The following CELSR2 variants were observed in gnomAD, a reference collection of about 807,000 sequenced individuals.
The protein encoded by CELSR2 is EGF-like protein 2.
Under a neutral mutation model 251.6 loss-of-function variants are expected in CELSR2, and 81 were observed. The observed-to-expected ratio is 0.32, with a 90% CI of 0.27 to 0.39. The LOEUF (loss-of-function observed/expected upper bound fraction) is 0.39, where lower values mean the gene tolerates loss of function less well. Among genes scored for constraint, CELSR2 ranks in the 10% least tolerant of loss-of-function variants. CELSR2 has a pLI of 1.00. For synonymous variants in CELSR2, 1,721 were observed against 1,670.5 expected (o/e 1.03, Z -0.74); for missense variants, 3,365 against 3,947.7 (o/e 0.85, Z 3.96).
chr1:109,269,719 G>A lies in CELSR2; in HGVS notation c.7006G>A (p.Ala2336Thr), dbSNP rs747667886. The change falls in exon 22 of 34, where the codon GCC becomes ACC. Residue 2336 changes from alanine (A) to threonine (T), a missense_variant. By Grantham distance (58) the Ala-to-Thr change is moderately conservative (BLOSUM62 0). Around this residue, in one of 5 missense-constraint regions of CELSR2, gnomAD observed 2,093 missense variants for 2,382.8 expected, o/e 0.88. Transcript: ENST00000271332. The surrounding 1 kb of genome is among the most constrained non-coding windows in gnomAD (Gnocchi z 6.4). ...GGTCAGTGGCACAGGTGGCTGGTCGGCCAGAGGCTGTGAAGTCGTCTTCCG... is the reference window on the plus strand; with the variant it reads ...GGTCAGTGGCACAGGTGGCTGGTCGACCAGAGGCTGTGAAGTCGTCTTCCG... ...ILVSGTGGWS[A>T]RGCEVVFRNE... The A allele has an allele frequency of 5.0e-6, 8 of 1,614,038 alleles. No individual in the cohort carries two copies. Among genetic ancestry groups the A allele is most frequent in the East Asian group, 4.5e-5 (2 of 44,860 alleles).
At position 109,269,964 on chromosome 1, in the gene CELSR2, C is replaced by T. The variant is rs1313254927; in HGVS notation, c.7139C>T (p.Thr2380Ile). The change falls in exon 23 of 34, where the codon ACA (threonine) becomes ATA (isoleucine). Residue 2380 changes from threonine to isoleucine, a missense_variant. Thr to Ile is a moderately conservative substitution (Grantham distance 89). Coordinates refer to ENST00000271332, the MANE Select transcript of CELSR2 (RefSeq NM_001408.3). The surrounding 1 kb of genome is among the most constrained non-coding windows in gnomAD (Gnocchi z 6.4). ...GAGATCCTGCCACTGAAGACACTGA[C>T]ATACGTGGCTCTAGGTGTCACCTTG... is the stretch of plus-strand genomic sequence containing the variant. ...NGEILPLKTL[T>I]YVALGVTLAA... 1.2e-6 allele frequency: 2 copies of T among 1,614,166 alleles called. No homozygotes were observed. Among genetic ancestry groups the T allele is most frequent in the Admixed American group, 3.3e-5 (2 of 60,026 alleles).
In CELSR2 at chr1:109,274,224, GGCC is replaced by G; in HGVS notation, c.*176_*178del. 6.7e-7 allele frequency: 1 copy of G among 1,483,260 alleles called. No homozygotes were observed. 91.9% of individuals were successfully genotyped at this position (1,483,260 alleles called of 1,614,324 possible). On this transcript the variant is annotated 3_prime_UTR_variant, in exon 34 of 34. Coordinates refer to ENST00000271332, the MANE Select transcript of CELSR2 (RefSeq NM_001408.3). ...CGGGAGGGGTACTCACCCCACCTAAGGCCATCTAGTGCCAACTCCCCCCCCACC... is the reference window on the plus strand; with the variant it reads ...CGGGAGGGGTACTCACCCCACCTAAGATCTAGTGCCAACTCCCCCCCCACC...
At chr1:109,271,090 C>A in intron 25 of CELSR2, 51 bp downstream of exon 25, 1 of 1,549,470 alleles carries the variant, frequency 6.5e-7, no homozygotes, top group Non-Finnish European at 8.9e-7. Context: ...CCTTTGCTGT[C>A]CTCCTGCTGC....
Position 109,251,109 on chromosome 1 carries a change from C to A in CELSR2, c.1030C>A (p.Pro344Thr), listed in dbSNP as rs1365258645. Residue 344 changes from proline (P) to threonine (T), a missense_variant, in exon 1 of 34, where the codon CCT becomes ACT. Transcript: ENST00000271332. The surrounding 1 kb of genome is among the most constrained non-coding windows in gnomAD (Gnocchi z 4.9). The stretch of plus-strand genomic sequence containing the variant: ...CCCCTCTGAAGTCTTTGAGATCGAC[C>A]CTCGCTCTGGGGTGATCCGAACCCG... Reference protein sequence around the residue: ...GSPSEVFEIDPRSGVIRTRGP... With the variant: ...GSPSEVFEIDTRSGVIRTRGP... 2.5e-6 allele frequency: 4 copies of A among 1,613,146 alleles called. No homozygotes were observed. The highest frequency in any genetic ancestry group is 3.4e-6 in the Non-Finnish European group (4 of 1,179,814).
Position 109,273,281 on chromosome 1 carries a change from G to A in CELSR2, c.8454G>A (p.Leu2818=). The A allele has an allele frequency of 6.2e-7, 1 of 1,605,916 alleles. No homozygotes were observed. The highest frequency in any genetic ancestry group is 8.5e-7 in the Non-Finnish European group (1 of 1,175,846). ...EERLRENGDA[L]SREGSLGPLP... ...GGCTGCGGGAGAATGGAGATGCCCT[G>A]TCTCGAGAGGGGTCCCTAGGCCCCC... Residue 2818 remains leucine, a synonymous_variant, in exon 32 of 34, where the codon CTG becomes CTA. Coordinates refer to ENST00000271332, the MANE Select transcript of CELSR2 (RefSeq NM_001408.3).
chr1:109,260,242 G>A (rs1158990959), intron 2 of CELSR2, among the ~76,000 whole-genome samples: 1 of 152,052 alleles, frequency 6.6e-6, no homozygotes, highest in Non-Finnish European at 1.5e-5. Context: ...CCAGTCACTA[G>A]GCACAGGAGC....
At position 109,273,547 on chromosome 1, in the gene CELSR2, G is replaced by C. The variant is rs1428975056; in HGVS notation, c.8621G>C (p.Ser2874Thr). 1 of 1,581,154 alleles carries C rather than the reference G, an allele frequency of 6.3e-7. No individual in the cohort carries two copies. Among genetic ancestry groups the C allele is most frequent in the Non-Finnish European group, 8.6e-7 (1 of 1,164,156 alleles). ...CGGGGCTCCTCCGCTAGTGAGGGCA[G>C]CCGGGGAGGCCCCCCTCCCCGCCCA... ...SSRGSSASEG[S>T]RGGPPPRPPP... Residue 2874 changes from serine to threonine, a missense_variant, in exon 33 of 34, where the codon AGC (serine) becomes ACC (threonine). Around this residue, in one of 5 missense-constraint regions of CELSR2, gnomAD observed 2,093 missense variants for 2,382.8 expected, o/e 0.88. Coordinates refer to ENST00000271332, the MANE Select transcript of CELSR2 (RefSeq NM_001408.3).
In CELSR2 at chr1:109,269,625, C is replaced by A; in HGVS notation, c.6980+34C>A. The A allele has an allele frequency of 6.2e-7, 1 of 1,613,256 alleles. No individual in the cohort carries two copies. On this transcript the variant is annotated intron_variant, in intron 21 of 33. Coordinates refer to ENST00000271332, the MANE Select transcript of CELSR2 (RefSeq NM_001408.3). The surrounding 1 kb of genome is among the most constrained non-coding windows in gnomAD (Gnocchi z 6.4). ...GCACTGCCCTCGCCCCCTCAGGCTT[C>A]GGGCTGAAAGTCCAGGCCCCTGCAT... is the stretch of plus-strand genomic sequence containing the variant.
chr1:109,272,734 G>C lies in CELSR2; in HGVS notation c.8143+6G>C, dbSNP rs1253831866. Reference sequence around the variant, plus strand: ...AGGTCAAGACCAGCAGCATGGTGAGGACAGAACGCTCTGGCCACCCAGCAG... The same window carrying C: ...AGGTCAAGACCAGCAGCATGGTGAGCACAGAACGCTCTGGCCACCCAGCAG... On this transcript the variant is annotated splice_donor_region_variant and intron_variant, in intron 30 of 33. Coordinates refer to ENST00000271332, the MANE Select transcript of CELSR2 (RefSeq NM_001408.3). 1 of 1,613,864 alleles carries C rather than the reference G, an allele frequency of 6.2e-7. No individual in the cohort carries two copies. Among genetic ancestry groups the C allele is most frequent in the Non-Finnish European group, 8.5e-7 (1 of 1,179,898 alleles).
In CELSR2 at chr1:109,264,337, T is replaced by C. The variant is rs1339171387; in HGVS notation, c.5261T>C (p.Val1754Ala). 1 of 1,609,954 alleles carries C rather than the reference T, an allele frequency of 6.2e-7. No homozygotes were observed. The highest frequency in any genetic ancestry group is 1.3e-5 in the African/African-American group (1 of 74,962). ...VGGIPGPAGG[V>A]ARGFRGCLQG... is the part of the protein sequence containing the mutation. ...GGAATACCTGGGCCAGCCGGCGGTG[T>C]GGCCCGTGGCTTTCGGGGCTGTTTG... is the stretch of plus-strand genomic sequence containing the variant. The change falls in exon 10 of 34, where the codon GTG (valine) becomes GCG (alanine). Residue 1754 changes from valine to alanine, a missense_variant. Coordinates refer to ENST00000271332, the MANE Select transcript of CELSR2 (RefSeq NM_001408.3).
At position 109,268,003 on chromosome 1, in the gene CELSR2, C is replaced by A. The variant is rs377457246; in HGVS notation, c.6261C>A (p.His2087Gln). ...AGCTGGCCACGCGGCTGCTGGCCCA[C>A]GAGAGCACCCAGCGGGGCTTTGGGC... is the stretch of plus-strand genomic sequence containing the variant. The part of the protein sequence containing the change: ...AYQLATRLLA[H>Q]ESTQRGFGLS... The change falls in exon 17 of 34, where the codon CAC becomes CAA. Residue 2087 changes from histidine (H) to glutamine (Q), a missense_variant. His to Gln is a conservative substitution (Grantham distance 24). Transcript: ENST00000271332. The A allele has an allele frequency of 6.2e-7, 1 of 1,609,834 alleles. No individual in the cohort carries two copies. Among genetic ancestry groups the A allele is most frequent in the Non-Finnish European group, 8.5e-7 (1 of 1,179,540 alleles).
Position 109,273,314 on chromosome 1 carries a change from C to A in CELSR2, c.8487C>A (p.Gly2829=). 6.3e-7 allele frequency: 1 copy of A among 1,596,616 alleles called. No individual in the cohort carries two copies. The highest frequency in any genetic ancestry group is 1.1e-5 in the South Asian group (1 of 88,588). The change falls in exon 32 of 34, where the codon GGC becomes GGA. Residue 2829 remains glycine, a synonymous_variant. Transcript: ENST00000271332. ...SREGSLGPLP[G]SSAQPHKGIL... ...AGGGGTCCCTAGGCCCCCTTCCAGGCTCTTCTGCCCAGCCTCACAAAGGTG... is the reference window on the plus strand; with the variant it reads ...AGGGGTCCCTAGGCCCCCTTCCAGGATCTTCTGCCCAGCCTCACAAAGGTG...
At chr1:109,267,319 CAAG>C (rs973149412) in intron 15 of CELSR2, among the ~76,000 whole-genome samples, 57 of 152,238 alleles carry the variant, frequency 3.7e-4, no homozygotes, top group Non-Finnish European at 6.8e-4. Context: ...GATGGGGGCT[CAAG>C]GAGGTCGTAT....
At chr1:109,267,072 A>G (rs528661237) in intron 15 of CELSR2, among the ~76,000 whole-genome samples, 1 of 152,098 alleles carries the variant, frequency 6.6e-6, no homozygotes, top group Non-Finnish European at 1.5e-5. Context: ...TGTGCTTGGC[A>G]TAGGGCTGTG....
At chr1:109,254,667 G>A (rs957236785) in intron 1 of CELSR2, among the ~76,000 whole-genome samples, 1 of 152,174 alleles carries the variant, frequency 6.6e-6, no homozygotes, top group African/African-American at 2.4e-5. Flanking sequence ...CCCACCCCAG[G>A]GAGTGTGGCC....
chr1:109,272,530 A>C (rs1423680440), intron 29 of CELSR2, 110 bp from the exon 30 acceptor site: 72 of 1,481,296 alleles, frequency 4.9e-5, no homozygotes, highest in Non-Finnish European at 6.6e-5. Flanking sequence ...AGCTTGGATT[A>C]GAAGCTGTAA....
rs775409092 is a variant in CELSR2, at chr1:109,267,908, G to T, written c.6166G>T (p.Ala2056Ser). 3.1e-6 allele frequency: 5 copies of T among 1,610,940 alleles called. No homozygotes were observed. The African/African-American group carries it at 6.7e-5, about 21-fold the overall frequency. The change falls in exon 17 of 34, where the codon GCC becomes TCC. Residue 2056 changes from alanine (A) to serine (S), a missense_variant. Ala to Ser is a moderately conservative substitution (Grantham distance 99). This residue lies in a region of CELSR2 where 2,093 missense variants were observed against 2,382.8 expected (regional missense o/e 0.88). Coordinates refer to ENST00000271332, the MANE Select transcript of CELSR2 (RefSeq NM_001408.3). ...GLDSGRSQQL[A>S]LLLRNATQHT... ...AGACTCAGGGCGCTCCCAGCAGCTAGCCCTGCTCCTGCGCAACGCCACGCA... is the reference window on the plus strand; with the variant it reads ...AGACTCAGGGCGCTCCCAGCAGCTATCCCTGCTCCTGCGCAACGCCACGCA...
rs1197003431 is a variant in CELSR2, at chr1:109,261,081, C to T, written c.3998C>T (p.Thr1333Ile). ...GTGAGTGCTCGCTCAGGCCGTTGCA[C>T]CCCGGGTGTCTGCAAGAATGGGGGC... is the stretch of plus-strand genomic sequence containing the variant. The part of the protein sequence containing the change: ...CEVSARSGRC[T>I]PGVCKNGGTC... Residue 1333 changes from threonine (T) to isoleucine (I), a missense_variant, in exon 3 of 34, where the codon ACC (threonine) becomes ATC (isoleucine). Physicochemically the swap from Thr to Ile is moderately conservative, Grantham distance 89. Transcript: ENST00000271332. This position sits in a 1 kb window ranked among gnomAD's most constrained non-coding sequence, Gnocchi z 4.8. The T allele has an allele frequency of 1.2e-6, 2 of 1,613,996 alleles. No homozygotes were observed. Among genetic ancestry groups the T allele is most frequent in the Non-Finnish European group, 1.7e-6 (2 of 1,179,952 alleles).
intron 1 of CELSR2, among the ~76,000 whole-genome samples, chr1:109,256,438 TGGGG>T (rs1655848040): frequency 6.6e-6 from 1 of 152,130 alleles, no homozygotes; most frequent in Non-Finnish European, 1.5e-5. Flanking sequence ...ATGGCTGAGA[TGGGG>T]GTCTGCTTTC....
Sources: gnomAD v4.1 joint callset for allele counts (sites outside exome capture counted in the v4.1 genomes callset) on GRCh38, gnomAD v4.1.1 for gene constraint, gnomAD v4.1.1 regional missense constraint, Gnocchi (gnomAD v3.1) non-coding constraint, MANE v1.5 for transcripts, NCBI Gene and HGNC (gene_info 2026-07-23, HGNC 2026-07-21) for gene names.